Variants in MYBPC2 observed in about 807,000 individuals in gnomAD.
MYBPC2 encodes myosin binding protein C2.
Under a neutral mutation model 137.0 loss-of-function variants are expected in MYBPC2, and 122 were observed. That is an observed-to-expected ratio of 0.89 (90% CI 0.77 to 1.03). The LOEUF (loss-of-function observed/expected upper bound fraction) is 1.03. Ranked by LOEUF, MYBPC2 falls within the 50% of genes least tolerant of loss-of-function variation. The pLI is 0.00. For synonymous variants in MYBPC2, 626 were observed against 612.3 expected (o/e 1.02, Z -0.33); for missense variants, 1,500 against 1,534.4 (o/e 0.98, Z 0.37).
At position 50,465,852 on chromosome 19, in the gene MYBPC2, CA is replaced by C. The variant is rs2040011130; in HGVS notation, c.3416-340del. Among the ~76,000 whole-genome samples the C allele has an allele frequency of 6.6e-6, 1 of 152,048 alleles. No homozygotes were observed. Among genetic ancestry groups the C allele is most frequent in the East Asian group, 1.9e-4 (1 of 5,174 alleles). ...CAGAGTGAGACTCTGTCTCAAAAAC[CA>C]AACAAAAACACCCCAGATCACTGCC... On this transcript the variant is annotated intron_variant, in intron 27 of 27. Transcript: ENST00000357701. The surrounding 1 kb of genome is among the most constrained non-coding windows in gnomAD (Gnocchi z 4.5).
At chr19:50,449,041 T>G (rs991674437) in intron 13 of MYBPC2, among the ~76,000 whole-genome samples, 2 of 151,660 alleles carry the variant, frequency 1.3e-5, no homozygotes, top group African/African-American at 4.8e-5. Context: ...GTCCCCAAAC[T>G]TAGAGGTTTA....
chr19:50,458,267 G>C (rs918113008), intron 20 of MYBPC2, among the ~76,000 whole-genome samples: 1 of 148,348 alleles, frequency 6.7e-6, no homozygotes, highest in Non-Finnish European at 1.5e-5. Context: ...CCAAGATCTT[G>C]CCATTGCCCT....
intron 20 of MYBPC2, among the ~76,000 whole-genome samples, 177 bp from the exon 21 acceptor site, chr19:50,458,410 C>T (rs2039933463): frequency 6.6e-6 from 1 of 151,964 alleles, no homozygotes; most frequent in Admixed American, 6.6e-5. Flanking sequence ...ACAGAATGGC[C>T]ACCCTTAGAA....
chr19:50,436,805 T>A, intron 5 of MYBPC2, 71 bp downstream of exon 5: 3 of 1,448,024 alleles, frequency 2.1e-6, no homozygotes, highest in Non-Finnish European at 2.9e-6. Context: ...ACCAGCCAGG[T>A]GTTGGGAGAG....
In MYBPC2 at chr19:50,461,918, T is replaced by C. The variant is rs1326247564; in HGVS notation, c.3110T>C (p.Phe1037Ser). The change falls in exon 26 of 28, where the codon TTC becomes TCC. Residue 1037 changes from phenylalanine (F) to serine (S), a missense_variant. Phe to Ser is a radical substitution (Grantham distance 155). Coordinates refer to ENST00000357701, the MANE Select transcript of MYBPC2 (RefSeq NM_004533.4). ...ILKTGITFKP[F>S]EYKEHDFRMA... ...TCCCCAGGAATCACCTTCAAACCGT[T>C]CGAGTATAAGGAGCATGACTTCCGG... is the stretch of plus-strand genomic sequence containing the variant. The C allele has an allele frequency of 3.8e-6, 6 of 1,597,534 alleles. No individual in the cohort carries two copies. The highest frequency in any genetic ancestry group is 5.1e-6 in the Non-Finnish European group (6 of 1,171,744).
intron 18 of MYBPC2, 49 bp downstream of exon 18, chr19:50,454,418 CTGTTTTTTTT>C: frequency 2.5e-6 from 2 of 795,912 alleles, no homozygotes; most frequent in East Asian, 3.2e-5. Flanking sequence ...TTTCTGCCTT[CTGTTTTTTTT>C]TTTTTTTTTT....
In MYBPC2 at chr19:50,441,919, T is replaced by C. The variant is rs528090938; in HGVS notation, c.770-262T>C. 1.3e-5 allele frequency among the ~76,000 whole-genome samples: 2 copies of C among 152,282 alleles called. 1 individual carries two copies. The highest frequency in any genetic ancestry group is 4.8e-5 in the African/African-American group (2 of 41,562). On this transcript the variant is annotated intron_variant, in intron 8 of 27. Transcript: ENST00000357701. ...AAATAAAAATAAAGCTGTTTTCTTC[T>C]ACCTAACACTGGCTTGCCCTTGACT... is the stretch of plus-strand genomic sequence containing the variant.
chr19:50,441,019 C>T lies in MYBPC2; in HGVS notation c.712C>T (p.Leu238Phe), dbSNP rs753803043. 1.2e-6 allele frequency: 2 copies of T among 1,610,444 alleles called. No individual in the cohort carries two copies. The highest frequency in any genetic ancestry group is 1.7e-5 in the Admixed American group (1 of 59,504). Residue 238 changes from leucine to phenylalanine, a missense_variant, in exon 8 of 28, where the codon CTC (leucine) becomes TTC (phenylalanine). By Grantham distance (22) the Leu-to-Phe change is conservative. Coordinates refer to ENST00000357701, the MANE Select transcript of MYBPC2 (RefSeq NM_004533.4). ...KIAFQYGITD[L>F]RGMLKRLKKA... ...CGCCTTCCAGTATGGCATCACCGAC[C>T]TCCGGGGCATGCTGAAGCGGCTGAA...
At chr19:50,440,478 A>C (rs931341005) in intron 7 of MYBPC2, among the ~76,000 whole-genome samples, 4 of 151,948 alleles carry the variant, frequency 2.6e-5, no homozygotes, top group African/African-American at 9.7e-5. Context: ...AGCCTGTCCA[A>C]CATGGCAAAA....
chr19:50,439,552 ATT>A (rs2039733022), intron 7 of MYBPC2, among the ~76,000 whole-genome samples: 3 of 144,304 alleles, frequency 2.1e-5, no homozygotes, highest in Non-Finnish European at 4.6e-5. Flanking sequence ...AGATCCATGC[ATT>A]CACTCACTCT....
Position 50,440,942 on chromosome 19 carries a change from C to G in MYBPC2, c.635C>G (p.Pro212Arg), listed in dbSNP as rs200355496. The G allele has an allele frequency of 5.6e-6, 9 of 1,613,798 alleles. No homozygotes were observed. The African/African-American group carries it at 1.2e-4, about 22-fold the overall frequency. The change falls in exon 8 of 28, where the codon CCG becomes CGG. Residue 212 changes from proline (P) to arginine (R), a missense_variant. Coordinates refer to ENST00000357701, the MANE Select transcript of MYBPC2 (RefSeq NM_004533.4). ...KKDDDDLGIP[P>R]EIWELLKGAK... The stretch of plus-strand genomic sequence containing the variant: ...GATGACGATGACCTAGGCATCCCCC[C>G]GGAGATTTGGGAGCTCCTGAAAGGG...
In MYBPC2 at chr19:50,433,441, G is replaced by GC. The variant is rs566450590; in HGVS notation, c.19+474dup. Among the ~76,000 whole-genome samples the GC allele has an allele frequency of 1.5e-3, 222 of 150,272 alleles. 1 individual carries two copies. Among genetic ancestry groups the GC allele is most frequent in the African/African-American group, 5.1e-3 (209 of 40,932 alleles). ...TTTTTTTGAGATGGAGTCTCGCTCTGCCCCCGGGGCTGGACTGCATTGGTG... is the reference window on the plus strand; with the variant it reads ...TTTTTTTGAGATGGAGTCTCGCTCTGCCCCCCGGGGCTGGACTGCATTGGTG... On this transcript the variant is annotated intron_variant, in intron 1 of 27. Coordinates refer to ENST00000357701, the MANE Select transcript of MYBPC2 (RefSeq NM_004533.4).
At chr19:50,461,786 C>T (rs2039974051) in intron 25 of MYBPC2, 85 bp downstream of exon 25, 8 of 1,592,344 alleles carry the variant, frequency 5.0e-6, no homozygotes, top group Non-Finnish European at 6.8e-6. Context: ...CTCCCCTCCC[C>T]ACTGGGGTTG....
intron 11 of MYBPC2, among the ~76,000 whole-genome samples, chr19:50,444,643 G>A (rs2039787032): frequency 6.6e-6 from 1 of 152,066 alleles, no homozygotes; most frequent in Non-Finnish European, 1.5e-5. Context: ...CACTTTGGGA[G>A]GCCGAGACGG....
chr19:50,460,770 C>T (rs2039964471), intron 24 of MYBPC2, among the ~76,000 whole-genome samples: 1 of 151,980 alleles, frequency 6.6e-6, no homozygotes, highest in South Asian at 2.1e-4. Context: ...GCAATCTTGG[C>T]TCACTGCCTT....
At chr19:50,448,452 T>C in intron 13 of MYBPC2, 62 bp downstream of exon 13, 2 of 1,539,790 alleles carry the variant, frequency 1.3e-6, no homozygotes, top group East Asian at 4.6e-5. Flanking sequence ...GCTTTAGCTG[T>C]GTAACAAGCT....
chr19:50,459,918 G>T (rs979196981), intron 23 of MYBPC2, 122 bp from the exon 24 acceptor site: 1 of 1,405,152 alleles, frequency 7.1e-7, no homozygotes, highest in South Asian at 1.3e-5. Context: ...CCATAGGCAG[G>T]AATGGGAATG....
At chr19:50,451,733 G>A in intron 15 of MYBPC2, 131 bp from the exon 16 acceptor site, 3 of 1,342,232 alleles carry the variant, frequency 2.2e-6, no homozygotes, top group Non-Finnish European at 3.1e-6. Flanking sequence ...TCTGAGGGAG[G>A]AGGGCTTCAG....
In MYBPC2 at chr19:50,435,096, C is replaced by T. The variant is rs59258373; in HGVS notation, c.20-65C>T. 9,505 of 703,396 alleles carry T rather than the reference C, an allele frequency of 0.014. 687 individuals carry two copies. The African/African-American group carries it at 0.16, about 12-fold the overall frequency. 43.6% of individuals were successfully genotyped at this position (703,396 alleles called of 1,614,324 possible). A position where few individuals can be genotyped will look rare whatever the true frequency, so the allele number is the denominator to read the frequency against. On this transcript the variant is annotated intron_variant, in intron 1 of 27. Transcript: ENST00000357701. The surrounding 1 kb of genome is among the most constrained non-coding windows in gnomAD (Gnocchi z 4.8). ...AGGGGCTGGGGGGTCTGGACTCCTG[C>T]GTCTGAGGGAGGGGCATGGGTGTGC...
Sources: gnomAD v4.1 joint callset for allele counts (sites outside exome capture counted in the v4.1 genomes callset) on GRCh38, gnomAD v4.1.1 for gene constraint, Gnocchi (gnomAD v3.1) non-coding constraint, MANE v1.5 for transcripts, NCBI Gene and HGNC (gene_info 2026-07-23, HGNC 2026-07-21) for gene names.